Variants in SORCS2 observed in about 807,000 individuals in gnomAD.
SORCS2 encodes the protein VPS10 domain-containing receptor SorCS2.
In SORCS2, 100 loss-of-function variants were observed where a neutral mutation model predicts 141.6. The ratio of observed to expected loss-of-function variants is 0.71; its 90% CI spans 0.60 to 0.83. SORCS2 has a LOEUF of 0.83. SORCS2 is among the 40% of genes least tolerant of loss of function. The pLI is 0.00. For synonymous variants in SORCS2, 789 were observed against 676.9 expected (o/e 1.17, Z -2.57); for missense variants, 1,646 against 1,560.2 (o/e 1.05, Z -0.93).
At chr4:7,377,683 G>T (rs149698860) in intron 1 of SORCS2, among the ~76,000 whole-genome samples, 8 of 152,150 alleles carry the variant, frequency 5.3e-5, no homozygotes, top group Admixed American at 3.9e-4. Context: ...AATGCCCTCC[G>T]CCACAGCTGG....
intron 1 of SORCS2, among the ~76,000 whole-genome samples, chr4:7,293,058 C>G (rs758910500): frequency 1.3e-5 from 2 of 152,054 alleles, no homozygotes; most frequent in Non-Finnish European, 2.9e-5. Context: ...AATCCCAGCA[C>G]TTTGGGAGGC....
chr4:7,643,712 A>G (rs541099716), intron 4 of SORCS2, among the ~76,000 whole-genome samples: 3 of 152,336 alleles, frequency 2.0e-5, no homozygotes, highest in East Asian at 1.9e-4. Flanking sequence ...TAAGTAAAGC[A>G]GTGTTTGCAT....
At chr4:7,583,839 T>C (rs1295613498) in intron 3 of SORCS2, among the ~76,000 whole-genome samples, 1 of 152,206 alleles carries the variant, frequency 6.6e-6, no homozygotes, top group Non-Finnish European at 1.5e-5. Flanking sequence ...TTTACACCCA[T>C]GAAGCTCAAA....
At chr4:7,514,076 G>T (rs1732828404) in intron 2 of SORCS2, among the ~76,000 whole-genome samples, 1 of 152,140 alleles carries the variant, frequency 6.6e-6, no homozygotes, top group Non-Finnish European at 1.5e-5. Context: ...GGGAGCCGAG[G>T]ACACAGGTGG....
At chr4:7,327,887 C>T (rs187978221) in intron 1 of SORCS2, among the ~76,000 whole-genome samples, 1 of 151,428 alleles carries the variant, frequency 6.6e-6, no homozygotes, top group Non-Finnish European at 1.5e-5. Context: ...GCATTTGATG[C>T]CTGTTCTTGT....
intron 21 of SORCS2, 93 bp downstream of exon 21, chr4:7,726,996 C>A: frequency 1.4e-6 from 2 of 1,447,628 alleles, no homozygotes; most frequent in South Asian, 1.4e-5. Flanking sequence ...CCATGGATGT[C>A]CTGGTCACCC....
At chr4:7,703,250 TG>T in intron 12 of SORCS2, 29 bp from the exon 13 acceptor site, 2 of 1,581,016 alleles carry the variant, frequency 1.3e-6, no homozygotes, top group South Asian at 2.3e-5. Context: ...TCTCAGGCCC[TG>T]CCCTCAGCCA....
At chr4:7,378,684 G>A (rs3892589) in intron 1 of SORCS2, among the ~76,000 whole-genome samples, 2 of 152,070 alleles carry the variant, frequency 1.3e-5, no homozygotes, top group Non-Finnish European at 2.9e-5. Flanking sequence ...ACCATAGCAG[G>A]TTCCTCCCCC....
Position 7,577,300 on chromosome 4 carries a change from G to A in SORCS2, c.648+45671G>A, listed in dbSNP as rs546284394. On this transcript the variant is annotated intron_variant, in intron 3 of 26. Transcript: ENST00000507866. The stretch of plus-strand genomic sequence containing the variant: ...CTGGTGGGGAGACAGGTGAAGGCAG[G>A]TGGGTAGACAGGTAAAGCCAGGTGG... 5.3e-5 allele frequency among the ~76,000 whole-genome samples: 8 copies of A among 152,372 alleles called. No individual in the cohort carries two copies. The East Asian group carries it at 1.3e-3, about 26-fold the overall frequency.
At chr4:7,369,622 C>G (rs1273738174) in intron 1 of SORCS2, among the ~76,000 whole-genome samples, 1 of 152,184 alleles carries the variant, frequency 6.6e-6, no homozygotes, top group African/African-American at 2.4e-5. Flanking sequence ...GTCTGGGAAG[C>G]TGACACAGCA....
chr4:7,457,742 A>G (rs1184337196), intron 2 of SORCS2, among the ~76,000 whole-genome samples: 13 of 152,260 alleles, frequency 8.5e-5, no homozygotes, highest in Admixed American at 8.5e-4. Flanking sequence ...CACACCAGGA[A>G]CAGCATCAGG....
chr4:7,699,089 C>T lies in SORCS2; in HGVS notation c.1668+1815C>T, dbSNP rs372575824. Reference sequence around the variant, plus strand: ...CATAACCTTTCAAAAACATGAGTTTCCTAGGATGTTTTGTTTAAAGCCAGA... The same window carrying T: ...CATAACCTTTCAAAAACATGAGTTTTCTAGGATGTTTTGTTTAAAGCCAGA... On this transcript the variant is annotated intron_variant, in intron 12 of 26. Coordinates refer to ENST00000507866, the MANE Select transcript of SORCS2 (RefSeq NM_020777.3). Among the ~76,000 whole-genome samples, 83 of 152,266 alleles carry T rather than the reference C, an allele frequency of 5.5e-4. No homozygotes were observed. The South Asian group carries it at 0.017, about 32-fold the overall frequency.
At chr4:7,369,713 G>C (rs1022629459) in intron 1 of SORCS2, among the ~76,000 whole-genome samples, 1 of 152,144 alleles carries the variant, frequency 6.6e-6, no homozygotes, top group African/African-American at 2.4e-5. Flanking sequence ...CCAGCCCCTC[G>C]CACATGCCTC....
rs115152531 is a variant in SORCS2 at position 7,647,386 on chromosome 4, G to A, written c.814-6748G>A. 7.2e-5 allele frequency among the ~76,000 whole-genome samples: 11 copies of A among 152,278 alleles called. 1 individual carries two copies. The East Asian group carries it at 1.2e-3, about 16-fold the overall frequency. ...TGATTTCACTCATGGTACCAGGAGC[G>A]CAAAGTATTACCAGACAGCCACACT... On this transcript the variant is annotated intron_variant, in intron 4 of 26. Coordinates refer to ENST00000507866, the MANE Select transcript of SORCS2 (RefSeq NM_020777.3).
At chr4:7,292,190 A>T in intron 1 of SORCS2, among the ~76,000 whole-genome samples, 1 of 151,166 alleles carries the variant, frequency 6.6e-6, no homozygotes, top group South Asian at 2.1e-4. Context: ...CCCACCATTG[A>T]CAGTCTGTTC....
chr4:7,373,478 A>ATTTTTTTTTTTTTTTTTTTTTTTTTTTT lies in SORCS2; in HGVS notation c.481-22809_481-22782dup, dbSNP rs71173496. On this transcript the variant is annotated intron_variant, in intron 1 of 26. Coordinates refer to ENST00000507866, the MANE Select transcript of SORCS2 (RefSeq NM_020777.3). ...AACTTTTATATATATATATATATAT[A>ATTTTTTTTTTTTTTTTTTTTTTTTTTTT]TTTTTTTTTTTTTTTTTTTTTTTTT... Among the ~76,000 whole-genome samples the ATTTTTTTTTTTTTTTTTTTTTTTTTTTT allele has an allele frequency of 1.9e-4, 7 of 36,824 alleles. 1 individual carries two copies. Among genetic ancestry groups the ATTTTTTTTTTTTTTTTTTTTTTTTTTTT allele is most frequent in the Non-Finnish European group, 2.5e-4 (6 of 24,128 alleles). 24.2% of individuals were successfully genotyped at this position (36,824 alleles called of 152,430 possible).
intron 3 of SORCS2, among the ~76,000 whole-genome samples, chr4:7,575,894 T>C (rs1715717314): frequency 6.6e-6 from 1 of 152,266 alleles, no homozygotes; most frequent in African/African-American, 2.4e-5. Flanking sequence ...GTGAATTATC[T>C]GTTGTTTCTG....
At chr4:7,621,475 CTGTG>C (rs956098892) in intron 3 of SORCS2, among the ~76,000 whole-genome samples, 9 of 143,472 alleles carry the variant, frequency 6.3e-5, no homozygotes, top group Non-Finnish European at 9.1e-5. Flanking sequence ...ATGTGTGTGT[CTGTG>C]TGTGTTTATA....
Position 7,505,244 on chromosome 4 carries a change from C to T in SORCS2, c.549-26286C>T, listed in dbSNP as rs1056088704. On this transcript the variant is annotated intron_variant, in intron 2 of 26. Coordinates refer to ENST00000507866, the MANE Select transcript of SORCS2 (RefSeq NM_020777.3). The stretch of plus-strand genomic sequence containing the variant: ...AATGCTTCGTGATGGGAAAGGGGTG[C>T]GGATGTGGTATAGGGAGATCCAGTG... 6.6e-5 allele frequency among the ~76,000 whole-genome samples: 10 copies of T among 152,080 alleles called. No individual in the cohort carries two copies. The East Asian group carries it at 7.7e-4, about 12-fold the overall frequency.
Sources: gnomAD v4.1 joint callset for allele counts (sites outside exome capture counted in the v4.1 genomes callset) on GRCh38, gnomAD v4.1.1 for gene constraint, MANE v1.5 for transcripts, NCBI Gene and HGNC (gene_info 2026-07-23, HGNC 2026-07-21) for gene names.